The following RIMBP2 variants were observed in gnomAD, a reference collection of about 807,000 sequenced individuals.
RIMBP2 encodes RIMS binding protein 2, also known as RIMS-binding protein 2.
In RIMBP2, 48 loss-of-function variants were observed where a neutral mutation model predicts 118.6. The observed-to-expected ratio is 0.40, with a 90% CI of 0.32 to 0.51. The LOEUF (loss-of-function observed/expected upper bound fraction) is 0.51. Among genes scored for constraint, RIMBP2 ranks in the 20% least tolerant of loss-of-function variants. The probability of loss-of-function intolerance (pLI) is 0.41; values close to 1 mark genes in which losing one functional copy is unlikely to be tolerated. For missense variants in RIMBP2, 1,551 were observed against 1,768.3 expected, an observed-to-expected ratio of 0.88 and a Z score of 2.20; for synonymous variants, 762 against 742.9, an observed-to-expected ratio of 1.03 and a Z score of -0.42.
intron 1 of RIMBP2, among the ~76,000 whole-genome samples, chr12:130,704,691 C>T (rs953535222): frequency 6.6e-6 from 1 of 152,172 alleles, no homozygotes; most frequent in Non-Finnish European, 1.5e-5. Context: ...GTGTTCCCTC[C>T]GTGGACTCAT....
At chr12:130,671,391 T>G (rs1303988249) in intron 1 of RIMBP2, among the ~76,000 whole-genome samples, 1 of 152,222 alleles carries the variant, frequency 6.6e-6, no homozygotes, top group Non-Finnish European at 1.5e-5. Flanking sequence ...CTCTACCACG[T>G]TTCTCTGATC....
chr12:130,483,406 A>G (rs958420620), intron 4 of RIMBP2, among the ~76,000 whole-genome samples: 24 of 152,360 alleles, frequency 1.6e-4, no homozygotes, highest in African/African-American at 5.3e-4. Flanking sequence ...GTAAAAAATT[A>G]AAAATAAATA....
chr12:130,561,009 G>A (rs2056778910), intron 2 of RIMBP2, among the ~76,000 whole-genome samples: 1 of 152,232 alleles, frequency 6.6e-6, no homozygotes, highest in African/African-American at 2.4e-5. Flanking sequence ...TACAAAAGAG[G>A]GAAATGTGAG....
Position 130,450,070 on chromosome 12 carries a change from A to G in RIMBP2, c.581+130T>C, listed in dbSNP as rs1234952274. The G allele has an allele frequency of 1.5e-6, 1 of 646,120 alleles. No homozygotes were observed. Among genetic ancestry groups the G allele is most frequent in the Non-Finnish European group, 2.7e-6 (1 of 364,070 alleles). 40.0% of individuals were successfully genotyped at this position (646,120 alleles called of 1,614,324 possible). ...CCGAACCCTGCTCAGCCTCCAGGCC[A>G]GGCTGAAATCCCACCTTCTCCTCGT... On this transcript the variant is annotated intron_variant, in intron 9 of 22. Coordinates refer to ENST00000690449, the MANE Select transcript of RIMBP2 (RefSeq NM_001393629.1). This position sits in a 1 kb window ranked among gnomAD's most constrained non-coding sequence, Gnocchi z 4.8.
At chr12:130,638,652 C>G (rs2062461158) in intron 1 of RIMBP2, among the ~76,000 whole-genome samples, 1 of 152,092 alleles carries the variant, frequency 6.6e-6, no homozygotes, top group South Asian at 2.1e-4. Flanking sequence ...CATCCTGAAA[C>G]CTTTCCCCCT....
At chr12:130,427,208 C>T (rs921205502) in intron 15 of RIMBP2, 1 of 152,240 alleles carries the variant, frequency 6.6e-6, no homozygotes, top group Non-Finnish European at 1.5e-5. Flanking sequence ...AATGCACGCC[C>T]TCTGTTCCTG....
chr12:130,546,368 T>C (rs2055168808), intron 2 of RIMBP2, among the ~76,000 whole-genome samples: 3 of 152,140 alleles, frequency 2.0e-5, no homozygotes, highest in Admixed American at 2.0e-4. Flanking sequence ...TGATCTCGGA[T>C]CACTTCAACC....
intron 4 of RIMBP2, among the ~76,000 whole-genome samples, chr12:130,496,058 CAG>C (rs1161736619): frequency 6.6e-6 from 1 of 152,080 alleles, no homozygotes; most frequent in African/African-American, 2.4e-5. Flanking sequence ...TGGACCACGG[CAG>C]AGAGTACGTC....
intron 3 of RIMBP2, among the ~76,000 whole-genome samples, chr12:130,507,187 A>C (rs1279408177): frequency 6.6e-6 from 1 of 152,208 alleles, no homozygotes; most frequent in South Asian, 2.1e-4. Flanking sequence ...CGGAAAGTTA[A>C]AGACAAACAG....
chr12:130,501,144 C>T (rs1036194899), intron 4 of RIMBP2, among the ~76,000 whole-genome samples: 1 of 152,170 alleles, frequency 6.6e-6, no homozygotes, highest in Non-Finnish European at 1.5e-5. Context: ...TCACACTCCA[C>T]GTCCAGTCTA....
At position 130,689,052 on chromosome 12, in the gene RIMBP2, C is replaced by T. The variant is rs148424930; in HGVS notation, c.-352+27170G>A. Among the ~76,000 whole-genome samples, 1,438 of 152,328 alleles carry T rather than the reference C, an allele frequency of 9.4e-3. 15 individuals are homozygous for T. The highest frequency in any genetic ancestry group is 0.015 in the Admixed American group (224 of 15,310). Reference sequence around the variant, plus strand: ...TGGCTCCCTAATGGGCTATGACCTGCGCTTACAGAAACACTGATTGATACA... The same window carrying T: ...TGGCTCCCTAATGGGCTATGACCTGTGCTTACAGAAACACTGATTGATACA... On this transcript the variant is annotated intron_variant, in intron 1 of 22. Coordinates refer to ENST00000690449, the MANE Select transcript of RIMBP2 (RefSeq NM_001393629.1).
rs146496714 is a variant in RIMBP2, at chr12:130,414,106, G to A, written c.3420+19C>T. ...GCCTCAGGGGCTGATGAAGCCGCCCGCAGGCAGCCATCCCGCACCTTGATG... is the reference window on the plus strand; with the variant it reads ...GCCTCAGGGGCTGATGAAGCCGCCCACAGGCAGCCATCCCGCACCTTGATG... On this transcript the variant is annotated intron_variant, in intron 18 of 22. Transcript: ENST00000690449. 30 of 1,613,422 alleles carry A rather than the reference G, an allele frequency of 1.9e-5. No individual in the cohort carries two copies. Among genetic ancestry groups the A allele is most frequent in the Middle Eastern group, 1.7e-4 (1 of 5,826 alleles).
chr12:130,416,971 T>G (rs1160784441), intron 17 of RIMBP2, among the ~76,000 whole-genome samples: 1 of 151,664 alleles, frequency 6.6e-6, no homozygotes, highest in African/African-American at 2.4e-5. Flanking sequence ...ATTTAAAAAA[T>G]GTATAAAAAT....
intron 2 of RIMBP2, among the ~76,000 whole-genome samples, chr12:130,574,258 T>A (rs373689901): frequency 1.3e-4 from 20 of 151,740 alleles, no homozygotes; most frequent in African/African-American, 4.8e-4. Flanking sequence ...CAGCAGCAGC[T>A]GTCCTGTTGG....
rs1391632480 is a variant in RIMBP2, at chr12:130,605,051, CG to C, written c.-217+23270del. ...AGCAATGGGCTCCACCACACAGCCT[CG>C]GGGTGCGGTAGACTCCCCGGCTAGG... On this transcript the variant is annotated intron_variant, in intron 2 of 22. Coordinates refer to ENST00000690449, the MANE Select transcript of RIMBP2 (RefSeq NM_001393629.1). 6.6e-5 allele frequency among the ~76,000 whole-genome samples: 10 copies of C among 152,188 alleles called. No individual in the cohort carries two copies. In the South Asian group the frequency reaches 1.9e-3, roughly 28 times the overall value.
At chr12:130,514,446 G>A (rs1593602280) in intron 3 of RIMBP2, among the ~76,000 whole-genome samples, 1 of 152,244 alleles carries the variant, frequency 6.6e-6, no homozygotes, top group East Asian at 1.9e-4. Context: ...CTGAGCGCTG[G>A]GACCCCCACC....
chr12:130,408,018 C>T (rs923976372), intron 19 of RIMBP2, among the ~76,000 whole-genome samples, 189 bp from the exon 20 acceptor site: 3 of 152,156 alleles, frequency 2.0e-5, no homozygotes, highest in African/African-American at 4.8e-5. Flanking sequence ...ACTCCATATT[C>T]TTATATTTTT....
chr12:130,680,561 C>T (rs1325163870), intron 1 of RIMBP2, among the ~76,000 whole-genome samples: 7 of 152,148 alleles, frequency 4.6e-5, no homozygotes, highest in Non-Finnish European at 8.8e-5. Flanking sequence ...CACAAGACAC[C>T]GACATCACTG....
At chr12:130,618,308 A>G (rs774614775) in intron 2 of RIMBP2, among the ~76,000 whole-genome samples, 15 of 152,168 alleles carry the variant, frequency 9.9e-5, no homozygotes, top group Admixed American at 7.2e-4. Context: ...AGAACATCAG[A>G]TTAGAAGGTT....
Sources: gnomAD v4.1 joint callset for allele counts (sites outside exome capture counted in the v4.1 genomes callset) on GRCh38, gnomAD v4.1.1 for gene constraint, Gnocchi (gnomAD v3.1) non-coding constraint, MANE v1.5 for transcripts, NCBI Gene and HGNC (gene_info 2026-07-23, HGNC 2026-07-21) for gene names.